The following FAM81A variants were observed in gnomAD, a reference collection of about 807,000 sequenced individuals.
FAM81A encodes the protein family with sequence similarity 81 member A, also known as protein FAM81A.
In FAM81A, 19 loss-of-function variants were observed where a neutral mutation model predicts 46.7. The observed-to-expected ratio is 0.41, with a 90% CI of 0.28 to 0.60. The LOEUF (loss-of-function observed/expected upper bound fraction) is 0.60, where lower values mean the gene tolerates loss of function less well. FAM81A is among the 20% of genes least tolerant of loss of function. The pLI is 0.34. For synonymous variants in FAM81A, 183 were observed against 152.9 expected (o/e 1.20, Z -1.45); for missense variants, 377 against 453.5 (o/e 0.83, Z 1.53).
chr15:59,432,552 A>G (rs1249151701), intron 2 of FAM81A, among the ~76,000 whole-genome samples: 1 of 152,098 alleles, frequency 6.6e-6, no homozygotes, highest in Non-Finnish European at 1.5e-5. Context: ...TGGTACCTAC[A>G]AGGCACAGCT....
chr15:59,463,995 A>T (rs775064787), intron 3 of FAM81A, among the ~76,000 whole-genome samples: 1 of 151,952 alleles, frequency 6.6e-6, no homozygotes, highest in Non-Finnish European at 1.5e-5. Context: ...ATCCTCTAGT[A>T]TTCTCTATTC....
At chr15:59,518,113 C>T (rs150892025) in intron 8 of FAM81A, among the ~76,000 whole-genome samples, 426 of 150,970 alleles carry the variant, frequency 2.8e-3, no homozygotes, top group African/African-American at 9.4e-3. Context: ...GCTGGGATTA[C>T]AGGCGCCTGA....
chr15:59,404,917 A>C (rs2140465835), intron 2 of FAM81A, among the ~76,000 whole-genome samples: 1 of 152,214 alleles, frequency 6.6e-6, no homozygotes, highest in South Asian at 2.1e-4. Flanking sequence ...CCCTGAAATA[A>C]TCTCCTACCA....
chr15:59,513,280 G>A (rs1355421455), intron 6 of FAM81A, among the ~76,000 whole-genome samples: 2 of 152,108 alleles, frequency 1.3e-5, no homozygotes, highest in African/African-American at 2.4e-5. Context: ...TTTGGGGAAC[G>A]TTAGAGAGAA....
At chr15:59,507,793 G>A (rs2082165379) in intron 5 of FAM81A, among the ~76,000 whole-genome samples, 1 of 152,192 alleles carries the variant, frequency 6.6e-6, no homozygotes, top group Non-Finnish European at 1.5e-5. Context: ...AGCATAGGCA[G>A]GCTAATGAAT....
In FAM81A at chr15:59,458,650, T is replaced by A; in HGVS notation, c.20+4T>A. 6.2e-7 allele frequency: 1 copy of A among 1,613,236 alleles called. No individual in the cohort carries two copies. The highest frequency in any genetic ancestry group is 8.5e-7 in the Non-Finnish European group (1 of 1,179,146). On this transcript the variant is annotated splice_donor_region_variant and intron_variant, in intron 2 of 8. Coordinates refer to ENST00000288228, the MANE Select transcript of FAM81A (RefSeq NM_152450.3). ...ATATGGAAAATATGCATCTAAGGTA[T>A]ACTTTTCCTTTCCACTCATCCCATG...
At chr15:59,441,485 A>G (rs1033777907) in intron 1 of FAM81A, among the ~76,000 whole-genome samples, 2 of 152,258 alleles carry the variant, frequency 1.3e-5, no homozygotes, top group Non-Finnish European at 2.9e-5. Flanking sequence ...CATAGGGCCA[A>G]TGGCTATCGT....
intron 4 of FAM81A, among the ~76,000 whole-genome samples, chr15:59,504,369 A>G (rs2082127647): frequency 6.6e-6 from 1 of 152,200 alleles, no homozygotes; most frequent in Non-Finnish European, 1.5e-5. Flanking sequence ...ATTCACAAAT[A>G]TTTATTAAGC....
At chr15:59,502,600 G>GGA (rs1399558184) in intron 4 of FAM81A, among the ~76,000 whole-genome samples, 1 of 150,940 alleles carries the variant, frequency 6.6e-6, no homozygotes, top group Non-Finnish European at 1.5e-5. Flanking sequence ...TGCAATCTCT[G>GGA]CCTCCTGGGT....
rs1167336309 is a variant in FAM81A at position 59,521,272 on chromosome 15, A to G, written c.1001A>G (p.Glu334Gly). ...CTTCAAGGGTTTACAGCCGTCTATG[A>G]AAGCATAGGATCCCTCAGGCAAGTT... is the stretch of plus-strand genomic sequence containing the variant. ...EVNAGFTAVY[E>G]SIGSLRQVLE... The change falls in exon 9 of 9, where the codon GAA (glutamate) becomes GGA (glycine). Residue 334 changes from glutamate to glycine, a missense_variant. Glu to Gly is a moderately conservative substitution (Grantham distance 98). Coordinates refer to ENST00000288228, the MANE Select transcript of FAM81A (RefSeq NM_152450.3). 2 of 1,613,372 alleles carry G rather than the reference A, an allele frequency of 1.2e-6. No homozygotes were observed. Among genetic ancestry groups the G allele is most frequent in the African/African-American group, 2.7e-5 (2 of 74,860 alleles).
At chr15:59,399,244 G>A (rs1314542754) in intron 1 of FAM81A, among the ~76,000 whole-genome samples, 1 of 152,116 alleles carries the variant, frequency 6.6e-6, no homozygotes, top group Non-Finnish European at 1.5e-5. Context: ...GGGAAGAAAG[G>A]CATGTCTTCT....
rs570192462 is a variant in FAM81A, at chr15:59,507,479, C to G, written c.543+137C>G. On this transcript the variant is annotated intron_variant, in intron 5 of 8. Coordinates refer to ENST00000288228, the MANE Select transcript of FAM81A (RefSeq NM_152450.3). Reference sequence around the variant, plus strand: ...TTTATGCCAATCATAAGCATCTTTTCTTTGATTCTTCCTTTCCTATTTCAC... The same window carrying G: ...TTTATGCCAATCATAAGCATCTTTTGTTTGATTCTTCCTTTCCTATTTCAC... 5.7e-6 allele frequency: 7 copies of G among 1,226,900 alleles called. No individual in the cohort carries two copies. The East Asian group carries it at 1.6e-4, about 28-fold the overall frequency. 76.0% of individuals were successfully genotyped at this position (1,226,900 alleles called of 1,614,324 possible). A position where few individuals can be genotyped will look rare whatever the true frequency, so the allele number is the denominator to read the frequency against.
At chr15:59,502,916 G>A (rs1183818755) in intron 4 of FAM81A, among the ~76,000 whole-genome samples, 1 of 152,062 alleles carries the variant, frequency 6.6e-6, no homozygotes, top group African/African-American at 2.4e-5. Context: ...CACGAGGGAT[G>A]TGTGCTGGTA....
At chr15:59,501,160 T>C (rs2082086964) in intron 4 of FAM81A, among the ~76,000 whole-genome samples, 2 of 152,222 alleles carry the variant, frequency 1.3e-5, no homozygotes, top group Non-Finnish European at 2.9e-5. Context: ...GCGACTTGAA[T>C]GGACTCTTTT....
chr15:59,435,265 G>A (rs1454033985), upstream of FAM81A, among the ~76,000 whole-genome samples: 9 of 151,858 alleles, frequency 5.9e-5, no homozygotes, highest in African/African-American at 2.2e-4. Flanking sequence ...CCAGCCTGGC[G>A]ACAGAGCAAG....
intron 4 of FAM81A, among the ~76,000 whole-genome samples, chr15:59,496,433 C>T (rs891258248): frequency 3.3e-5 from 5 of 152,146 alleles, no homozygotes; most frequent in South Asian, 2.1e-4. Context: ...GGTGAAACCC[C>T]GTCTCTACTA....
chr15:59,399,979 AGGGAGGGTGGT>A (rs1336575777), intron 1 of FAM81A, among the ~76,000 whole-genome samples: 1 of 152,160 alleles, frequency 6.6e-6, no homozygotes, highest in Non-Finnish European at 1.5e-5. Flanking sequence ...GAGAGGCTCC[AGGGAGGGTGGT>A]GGGGTAAATG....
intron 2 of FAM81A, among the ~76,000 whole-genome samples, chr15:59,414,162 C>T (rs185863279): frequency 4.2e-4 from 64 of 152,240 alleles, no homozygotes; most frequent in Non-Finnish European, 7.9e-4. Flanking sequence ...CCATGTTGGC[C>T]AGGCTCATCT....
chr15:59,423,529 A>C (rs1423815151), intron 2 of FAM81A, among the ~76,000 whole-genome samples: 4 of 152,222 alleles, frequency 2.6e-5, no homozygotes, highest in African/African-American at 9.6e-5. Flanking sequence ...TCTGACTCCA[A>C]GACTTGACCT....
Sources: allele counts gnomAD v4.1 joint callset (sites outside exome capture counted in the v4.1 genomes callset), GRCh38; gene constraint gnomAD v4.1.1; transcripts MANE v1.5; gene names NCBI Gene and HGNC (gene_info 2026-07-23, HGNC 2026-07-21).